PLEKHA5: variants seen among roughly 807,000 people sequenced by gnomAD.
PLEKHA5 encodes the protein pleckstrin homology domain containing A5.
A neutral mutation model predicts 181.9 loss-of-function variants in PLEKHA5; 55 were observed. The ratio of observed to expected loss-of-function variants is 0.30; its 90% CI spans 0.24 to 0.38. The LOEUF (loss-of-function observed/expected upper bound fraction) is 0.38. Ranked by LOEUF, PLEKHA5 falls within the 10% of genes least tolerant of loss-of-function variation. PLEKHA5 has a pLI of 1.00. For synonymous variants in PLEKHA5, 535 were observed against 529.4 expected (o/e 1.01, Z -0.15); for missense variants, 1,432 against 1,549.5 (o/e 0.92, Z 1.27).
At chr12:19,200,286 A>C in intron 3 of PLEKHA5, 1 of 1,456,902 alleles carries the variant, frequency 6.9e-7, no homozygotes, top group East Asian at 2.5e-5. Context: ...AAAAAAATTT[A>C]AACATTAAAA....
At chr12:19,368,705 C>T (rs143970033) in intron 30 of PLEKHA5, among the ~76,000 whole-genome samples, 2 of 152,070 alleles carry the variant, frequency 1.3e-5, no homozygotes, top group African/African-American at 4.8e-5. Context: ...GCAGGAGAAT[C>T]GCTTGAACTT....
At chr12:19,167,066 C>A (rs922831992) in intron 3 of PLEKHA5, among the ~76,000 whole-genome samples, 1 of 152,148 alleles carries the variant, frequency 6.6e-6, no homozygotes, top group African/African-American at 2.4e-5. Context: ...CATGCCCCAC[C>A]TTCCCCACCT....
chr12:19,330,946 C>T (rs915776885), intron 20 of PLEKHA5, among the ~76,000 whole-genome samples: 1 of 152,108 alleles, frequency 6.6e-6, no homozygotes, highest in African/African-American at 2.4e-5. Flanking sequence ...TACACTACAT[C>T]TATTGCCTCT....
chr12:19,301,002 T>TAG (rs2081335650), intron 15 of PLEKHA5, among the ~76,000 whole-genome samples: 2 of 147,490 alleles, frequency 1.4e-5, no homozygotes, highest in African/African-American at 5.0e-5. Context: ...AATACAAAAT[T>TAG]AGCCTGGTGT....
intron 3 of PLEKHA5, among the ~76,000 whole-genome samples, chr12:19,186,808 C>G (rs1018527524): frequency 5.9e-5 from 9 of 152,250 alleles, no homozygotes; most frequent in Admixed American, 5.2e-4. Flanking sequence ...TAATAGCTTC[C>G]TATTTATTAA....
intron 7 of PLEKHA5, among the ~76,000 whole-genome samples, chr12:19,261,613 A>G (rs762115017): frequency 1.3e-5 from 2 of 152,238 alleles, no homozygotes; most frequent in Non-Finnish European, 2.9e-5. Context: ...AATGAAAGGC[A>G]TACCTGGGTG....
chr12:19,230,540 C>A (rs376635221), intron 3 of PLEKHA5, among the ~76,000 whole-genome samples: 4 of 152,158 alleles, frequency 2.6e-5, no homozygotes, highest in African/African-American at 9.7e-5. Flanking sequence ...AATTTGAGCA[C>A]GGTGCGGGTA....
intron 3 of PLEKHA5, among the ~76,000 whole-genome samples, chr12:19,184,587 G>A (rs1264751959): frequency 1.3e-5 from 2 of 152,174 alleles, no homozygotes; most frequent in East Asian, 1.9e-4. Flanking sequence ...AGAGGGGAAG[G>A]AAGTCTTCAT....
chr12:19,367,520 G>T (rs1388889496), intron 30 of PLEKHA5, among the ~76,000 whole-genome samples: 1 of 151,740 alleles, frequency 6.6e-6, no homozygotes, highest in Non-Finnish European at 1.5e-5. Flanking sequence ...TTCCCAAAGT[G>T]CTAGGATTAC....
intron 3 of PLEKHA5, among the ~76,000 whole-genome samples, chr12:19,167,820 G>A (rs371422833): frequency 1.2e-3 from 182 of 152,150 alleles, no homozygotes; most frequent in Middle Eastern, 3.4e-3. Flanking sequence ...GATGTCTGCT[G>A]GGGAAAGTGA....
At chr12:19,253,130 A>G (rs1357506844) in intron 3 of PLEKHA5, among the ~76,000 whole-genome samples, 1 of 118,648 alleles carries the variant, frequency 8.4e-6, no homozygotes, top group Non-Finnish European at 1.6e-5. Flanking sequence ...AGTGGAGTGC[A>G]GTGGCACAAT....
chr12:19,269,395 G>A (rs66531924), intron 8 of PLEKHA5, among the ~76,000 whole-genome samples: 4,922 of 105,056 alleles, frequency 0.047, 123 homozygotes, highest in Non-Finnish European at 0.068. Flanking sequence ...TCAAAAAAAA[G>A]AAAAAAAAAA....
At chr12:19,369,440 G>T (rs1053590159) in intron 30 of PLEKHA5, among the ~76,000 whole-genome samples, 5 of 152,074 alleles carry the variant, frequency 3.3e-5, no homozygotes, top group African/African-American at 9.7e-5. Flanking sequence ...AACACTTCGG[G>T]AGACCAAGAT....
chr12:19,315,456 T>C (rs2088264791), intron 16 of PLEKHA5, among the ~76,000 whole-genome samples: 1 of 152,214 alleles, frequency 6.6e-6, no homozygotes, highest in Admixed American at 6.5e-5. Context: ...GTCAAGACTA[T>C]CATAAGTTAC....
chr12:19,343,546 A>G lies in PLEKHA5; in HGVS notation c.2662+112A>G, dbSNP rs1017017247. On this transcript the variant is annotated intron_variant, in intron 22 of 31. Transcript: ENST00000429027. ...CATTGTTAGGTGATTGTGTTGTACA[A>G]TCAGAGTGTACTTAAACAAATCTAG... The G allele has an allele frequency of 2.9e-5, 20 of 697,336 alleles. No individual in the cohort carries two copies. The East Asian group carries it at 4.7e-4, about 16-fold the overall frequency. The allele number at this position is 697,336 out of a possible 1,614,324, so 43.2% of individuals were successfully genotyped here.
Position 19,307,583 on chromosome 12 carries a change from G to A in PLEKHA5, c.2038-7231G>A, listed in dbSNP as rs535965189. 83 of 325,620 alleles carry A rather than the reference G, an allele frequency of 2.5e-4. No homozygotes were observed. In the South Asian group the frequency reaches 2.9e-3, roughly 12 times the overall value. The allele number at this position is 325,620 out of a possible 1,614,324, so 20.2% of individuals were successfully genotyped here. A position where few individuals can be genotyped will look rare whatever the true frequency, so the allele number is the denominator to read the frequency against. ...GAAGGCATTCAAGATCACATTCTAG[G>A]AGGAGGAGGACTCTCATCTTCTAGA... On this transcript the variant is annotated intron_variant, in intron 15 of 31. Transcript: ENST00000429027.
intron 5 of PLEKHA5, among the ~76,000 whole-genome samples, chr12:19,255,811 A>G (rs1281469382): frequency 1.3e-5 from 2 of 151,336 alleles, no homozygotes; most frequent in African/African-American, 4.8e-5. Flanking sequence ...CATACTTTAC[A>G]CCAGAAATTT....
intron 17 of PLEKHA5, 34 bp from the exon 18 acceptor site, chr12:19,320,527 AT>A: frequency 9.9e-7 from 1 of 1,010,020 alleles, no homozygotes; most frequent in Non-Finnish European, 1.5e-6. Context: ...TTTAAATAAG[AT>A]TTTTTAAGTT....
At chr12:19,210,561 A>G (rs553026177) in intron 3 of PLEKHA5, among the ~76,000 whole-genome samples, 14 of 152,324 alleles carry the variant, frequency 9.2e-5, no homozygotes, top group African/African-American at 3.1e-4. Context: ...CAGATGAGCT[A>G]TGATTTTTTA....
Sources: gnomAD v4.1 joint callset for allele counts (sites outside exome capture counted in the v4.1 genomes callset) on GRCh38, gnomAD v4.1.1 for gene constraint, MANE v1.5 for transcripts, NCBI Gene and HGNC (gene_info 2026-07-23, HGNC 2026-07-21) for gene names.